The following CCDC7 variants were observed in gnomAD, a reference collection of about 807,000 sequenced individuals.
CCDC7 encodes coiled-coil domain containing 7, also known as coiled-coil domain-containing protein 7.
In CCDC7, 183 loss-of-function variants were observed where a neutral mutation model predicts 196.9. The observed-to-expected ratio is 0.93, with a 90% CI of 0.82 to 1.05. CCDC7 has a LOEUF of 1.05. CCDC7 is among the 50% of genes least tolerant of loss of function. CCDC7 has a pLI of 0.00. For missense variants in CCDC7, 1,540 were observed against 1,482.2 expected (o/e 1.04, Z -0.64); for synonymous variants, 525 against 484.6 (o/e 1.08, Z -1.10).
intron 9 of CCDC7, among the ~76,000 whole-genome samples, chr10:32,502,146 G>T (rs566941077): frequency 3.4e-4 from 52 of 152,314 alleles, no homozygotes; most frequent in African/African-American, 1.1e-3. Flanking sequence ...CAAGCCAGCG[G>T]ATCTTAGTTT....
intron 21 of CCDC7, among the ~76,000 whole-genome samples, chr10:32,672,087 C>T (rs1000112060): frequency 6.6e-6 from 1 of 152,062 alleles, no homozygotes; most frequent in African/African-American, 2.4e-5. Context: ...GGCTGCAGAA[C>T]TGAGATGTGA....
chr10:32,740,995 C>T (rs1011984966), intron 28 of CCDC7, among the ~76,000 whole-genome samples: 2 of 151,754 alleles, frequency 1.3e-5, no homozygotes, highest in Non-Finnish European at 2.9e-5. Context: ...AATGTGTCTA[C>T]CTGCATTAAT....
At chr10:32,791,800 C>T (rs1232082535) in intron 29 of CCDC7, among the ~76,000 whole-genome samples, 1 of 152,106 alleles carries the variant, frequency 6.6e-6, no homozygotes, top group African/African-American at 2.4e-5. Context: ...GGATGGAAAG[C>T]TTATTCAGTG....
chr10:32,777,756 C>G (rs2080331930), intron 28 of CCDC7, among the ~76,000 whole-genome samples: 1 of 152,048 alleles, frequency 6.6e-6, no homozygotes, highest in African/African-American at 2.4e-5. Flanking sequence ...CCCAGCTACT[C>G]TGGAGGCTGA....
intron 24 of CCDC7, among the ~76,000 whole-genome samples, chr10:32,701,105 G>A (rs193065837): frequency 1.3e-5 from 2 of 152,168 alleles, no homozygotes; most frequent in Non-Finnish European, 2.9e-5. Flanking sequence ...GGATAGGAGT[G>A]GTAAGAGAGG....
chr10:32,752,118 G>C (rs1055483508), intron 28 of CCDC7, among the ~76,000 whole-genome samples: 2 of 152,000 alleles, frequency 1.3e-5, no homozygotes, highest in African/African-American at 2.4e-5. Flanking sequence ...ATTTTTGATA[G>C]GAAAAACCCT....
chr10:32,677,017 A>G (rs1281474825), intron 21 of CCDC7, among the ~76,000 whole-genome samples: 7 of 147,590 alleles, frequency 4.7e-5, no homozygotes, highest in African/African-American at 1.3e-4. Flanking sequence ...GGCACATACC[A>G]TGGAATACTA....
At chr10:32,520,070 A>G (rs2047649207) in intron 11 of CCDC7, among the ~76,000 whole-genome samples, 1 of 152,150 alleles carries the variant, frequency 6.6e-6, no homozygotes, top group Non-Finnish European at 1.5e-5. Context: ...ATGACTAAAT[A>G]GTACTCCATC....
intron 17 of CCDC7, 55 bp from the exon 19 acceptor site, chr10:32,584,175 GAT>G (rs111340744): frequency 6.6e-3 from 5,141 of 778,272 alleles, no homozygotes; most frequent in Middle Eastern, 9.8e-3. Flanking sequence ...TACCAGTCTT[GAT>G]ATATATATAT....
intron 11 of CCDC7, among the ~76,000 whole-genome samples, chr10:32,519,803 C>G (rs551769666): frequency 2.6e-5 from 4 of 152,120 alleles, no homozygotes; most frequent in African/African-American, 7.2e-5. Context: ...GTTGTGCTAT[C>G]AAATACTAAG....
intron 20 of CCDC7, among the ~76,000 whole-genome samples, chr10:32,648,091 T>A (rs1017090057): frequency 5.3e-5 from 8 of 152,244 alleles, no homozygotes. Flanking sequence ...GGGAGCCCTT[T>A]CCTCATTGCT....
At chr10:32,856,957 A>G (rs1173630659) in intron 41 of CCDC7, among the ~76,000 whole-genome samples, 2 of 152,130 alleles carry the variant, frequency 1.3e-5, no homozygotes, top group East Asian at 3.9e-4. Flanking sequence ...CTGGCAGTTC[A>G]ACAAGACACT....
intron 13 of CCDC7, among the ~76,000 whole-genome samples, chr10:32,549,298 A>G (rs1000376937): frequency 6.6e-6 from 1 of 152,074 alleles, no homozygotes; most frequent in Non-Finnish European, 1.5e-5. Context: ...AGTTCGTCAT[A>G]GATATTAGGT....
At chr10:32,597,000 G>T (rs11527641) in intron 18 of CCDC7, among the ~76,000 whole-genome samples, 1 of 151,930 alleles carries the variant, frequency 6.6e-6, no homozygotes, top group African/African-American at 2.4e-5. Context: ...ACAATTATGC[G>T]TCTTGGGGTT....
At chr10:32,446,752 G>C (rs2031196868), upstream of CCDC7, 1 of 152,178 alleles carries the variant, frequency 6.6e-6, no homozygotes, top group South Asian at 2.1e-4. Context: ...AGGGATAAAT[G>C]AATTAAATAT....
At chr10:32,864,144 A>G (rs984096699) in intron 41 of CCDC7, among the ~76,000 whole-genome samples, 2 of 151,850 alleles carry the variant, frequency 1.3e-5, no homozygotes, top group Non-Finnish European at 2.9e-5. Flanking sequence ...AAGACACAAA[A>G]ATGGCATCAG....
At chr10:32,511,776 G>A (rs1345457234) in intron 9 of CCDC7, 30 of 1,451,760 alleles carry the variant, frequency 2.1e-5, no homozygotes, top group Middle Eastern at 4.8e-4. Flanking sequence ...CCAGCCTCCC[G>A]GAAAGCGGTC....
intron 28 of CCDC7, among the ~76,000 whole-genome samples, chr10:32,756,333 C>A (rs1398982536): frequency 1.3e-5 from 2 of 152,236 alleles, no homozygotes; most frequent in Admixed American, 1.3e-4. Context: ...AAATGAAGGA[C>A]AAAAAGTTAA....
chr10:32,849,217 C>G (rs1163309411), intron 39 of CCDC7, among the ~76,000 whole-genome samples: 2 of 150,948 alleles, frequency 1.3e-5, no homozygotes, highest in Non-Finnish European at 2.9e-5. Flanking sequence ...TACTCCATAT[C>G]TACCCTAAAA....
Sources: gnomAD v4.1 joint callset for allele counts (sites outside exome capture counted in the v4.1 genomes callset) on GRCh38, gnomAD v4.1.1 for gene constraint, MANE v1.5 for transcripts, NCBI Gene and HGNC (gene_info 2026-07-23, HGNC 2026-07-21) for gene names.